DYNC1I2: variants seen among roughly 807,000 people sequenced by gnomAD.
DYNC1I2 encodes the protein dynein cytoplasmic 1 intermediate chain 2, also known as cytoplasmic dynein 1 intermediate chain 2.
Under a neutral mutation model 88.6 loss-of-function variants are expected in DYNC1I2, and 53 were observed. The ratio of observed to expected loss-of-function variants is 0.60; its 90% CI spans 0.48 to 0.75. DYNC1I2 has a LOEUF of 0.75. Ranked by LOEUF, DYNC1I2 falls within the 30% of genes least tolerant of loss-of-function variation. The pLI is 0.00. For synonymous variants in DYNC1I2, 198 were observed against 254.6 expected (o/e 0.78, Z 2.12); for missense variants, 458 against 766.6 (o/e 0.60, Z 4.75).
chr2:171,741,725 C>G (rs560635560), intron 15 of DYNC1I2, among the ~76,000 whole-genome samples: 82 of 152,244 alleles, frequency 5.4e-4, no homozygotes, highest in African/African-American at 1.9e-3. Context: ...TTTGGCTTCT[C>G]AACTGAGAAA....
chr2:171,740,052 G>T (rs1689312148), intron 15 of DYNC1I2, among the ~76,000 whole-genome samples: 1 of 152,064 alleles, frequency 6.6e-6, no homozygotes, highest in Non-Finnish European at 1.5e-5. Context: ...AGTAGGGCTT[G>T]CATCCCTCTT....
chr2:171,700,635 GT>G (rs573663487), intron 3 of DYNC1I2, among the ~76,000 whole-genome samples: 129 of 144,630 alleles, frequency 8.9e-4, no homozygotes, highest in Middle Eastern at 3.4e-3. Flanking sequence ...TTTGTTTTTT[GT>G]TTTTTGTTTT....
At chr2:171,699,123 A>G (rs1427893437) in intron 3 of DYNC1I2, among the ~76,000 whole-genome samples, 1 of 152,176 alleles carries the variant, frequency 6.6e-6, no homozygotes, top group African/African-American at 2.4e-5. Context: ...CCTGGCCAAA[A>G]TGGTGAAACC....
chr2:171,688,164 A>G (rs1025633521), intron 1 of DYNC1I2: 2 of 152,214 alleles, frequency 1.3e-5, no homozygotes, highest in Non-Finnish European at 2.9e-5. Flanking sequence ...CCCAGGGGAG[A>G]AAGTGATTCG....
chr2:171,734,970 TC>T (rs1688905696), intron 15 of DYNC1I2, among the ~76,000 whole-genome samples: 1 of 152,168 alleles, frequency 6.6e-6, no homozygotes, highest in African/African-American at 2.4e-5. Context: ...TAAACCAGAG[TC>T]TTCACACTCA....
At chr2:171,713,039 A>G (rs1223022425) in intron 6 of DYNC1I2, among the ~76,000 whole-genome samples, 1 of 152,140 alleles carries the variant, frequency 6.6e-6, no homozygotes, top group Non-Finnish European at 1.5e-5. Flanking sequence ...AAGTGTCCAA[A>G]TGTTTAAAAT....
chr2:171,714,223 A>G lies in DYNC1I2; in HGVS notation c.396-1105A>G, dbSNP rs1020810244. The stretch of plus-strand genomic sequence containing the variant: ...TCCCTTTCTTTTTTATTTCTAAACT[A>G]GAAAAGACATTAAAAAATTGTTATG... On this transcript the variant is annotated intron_variant, in intron 6 of 17. Transcript: ENST00000397119. Among the ~76,000 whole-genome samples the G allele has an allele frequency of 2.0e-5, 3 of 149,896 alleles. No homozygotes were observed. The East Asian group carries it at 5.8e-4, about 29-fold the overall frequency.
chr2:171,726,529 G>A, intron 10 of DYNC1I2: 5 of 542,848 alleles, frequency 9.2e-6, no homozygotes, highest in Non-Finnish European at 1.5e-5. Flanking sequence ...ACTAATTTCA[G>A]TTGCTCACCA....
chr2:171,749,445 A>AT lies in DYNC1I2; in HGVS notation c.*1558dup, dbSNP rs1403260199. Among the ~76,000 whole-genome samples, 2 of 152,088 alleles carry AT rather than the reference A, an allele frequency of 1.3e-5. No individual in the cohort carries two copies. The highest frequency in any genetic ancestry group is 2.9e-5 in the Non-Finnish European group (2 of 67,966). ...CAAAGACAATATCTCAAGTTATCTCATTGTAGCAGTGTCTGTGAGTCAAAA... is the reference window on the plus strand; with the variant it reads ...CAAAGACAATATCTCAAGTTATCTCATTTGTAGCAGTGTCTGTGAGTCAAAA... On this transcript the variant is annotated 3_prime_UTR_variant, in exon 18 of 18. Coordinates refer to ENST00000397119, the MANE Select transcript of DYNC1I2 (RefSeq NM_001378.3).
chr2:171,737,411 A>G (rs927795643), intron 15 of DYNC1I2, among the ~76,000 whole-genome samples: 5 of 152,130 alleles, frequency 3.3e-5, no homozygotes, highest in Non-Finnish European at 7.4e-5. Context: ...GTACAACCTT[A>G]AAGAGCTTAG....
Position 171,725,603 on chromosome 2 carries a change from T to TG in DYNC1I2, c.512-15_512-14insG. On this transcript the variant is annotated splice_polypyrimidine_tract_variant and intron_variant, in intron 7 of 17. Coordinates refer to ENST00000397119, the MANE Select transcript of DYNC1I2 (RefSeq NM_001378.3). ...GTTTTTTTGTTTTTTTGTTTGTTTTTTTTTTTTTTTTCAGATGAAGAGGAA... is the reference window on the plus strand; with the variant it reads ...GTTTTTTTGTTTTTTTGTTTGTTTTTGTTTTTTTTTTTCAGATGAAGAGGAA... The TG allele has an allele frequency of 7.3e-7, 1 of 1,379,028 alleles. No homozygotes were observed. Among genetic ancestry groups the TG allele is most frequent in the Non-Finnish European group, 9.6e-7 (1 of 1,040,794 alleles). 85.4% of individuals were successfully genotyped at this position (1,379,028 alleles called of 1,614,324 possible). A position where few individuals can be genotyped will look rare whatever the true frequency, so the allele number is the denominator to read the frequency against.
intron 7 of DYNC1I2, 90 bp from the exon 8 acceptor site, chr2:171,725,528 T>C (rs531879234): frequency 2.4e-6 from 2 of 822,864 alleles, no homozygotes; most frequent in East Asian, 2.9e-5. Flanking sequence ...TGAAATACTG[T>C]CTCAAAAGTT....
At chr2:171,729,318 T>C (rs959505296) in intron 14 of DYNC1I2, among the ~76,000 whole-genome samples, 1 of 152,150 alleles carries the variant, frequency 6.6e-6, no homozygotes, top group Non-Finnish European at 1.5e-5. Context: ...AGCTGTACCT[T>C]ATTGCTTCCT....
At chr2:171,740,195 TTA>T (rs1467417694) in intron 15 of DYNC1I2, among the ~76,000 whole-genome samples, 1 of 152,130 alleles carries the variant, frequency 6.6e-6, no homozygotes, top group Non-Finnish European at 1.5e-5. Flanking sequence ...TGCAGATAGT[TTA>T]TGTTTCTGTA....
intron 1 of DYNC1I2, chr2:171,688,448 G>T (rs970057680): frequency 6.6e-6 from 1 of 152,178 alleles, no homozygotes; most frequent in African/African-American, 2.4e-5. Context: ...ATATCAATTA[G>T]TGTTGGTATA....
intron 3 of DYNC1I2, among the ~76,000 whole-genome samples, chr2:171,693,235 T>A (rs527604726): frequency 1.3e-5 from 2 of 152,340 alleles, no homozygotes; most frequent in East Asian, 3.9e-4. Context: ...GAACTCTATA[T>A]TCCTTTCTGG....
At chr2:171,734,013 A>G (rs1403839547) in intron 15 of DYNC1I2, among the ~76,000 whole-genome samples, 2 of 152,100 alleles carry the variant, frequency 1.3e-5, no homozygotes, top group African/African-American at 4.8e-5. Flanking sequence ...TTTTCTACAT[A>G]TGGCTAGCCA....
chr2:171,734,979 T>TTTAA (rs1417619200), intron 15 of DYNC1I2, among the ~76,000 whole-genome samples: 1 of 152,224 alleles, frequency 6.6e-6, no homozygotes, highest in African/African-American at 2.4e-5. Context: ...GTCTTCACAC[T>TTTAA]CATGAATTTA....
intron 15 of DYNC1I2, among the ~76,000 whole-genome samples, chr2:171,743,821 G>A (rs1355771482): frequency 2.6e-5 from 4 of 152,038 alleles, no homozygotes; most frequent in Non-Finnish European, 5.9e-5. Context: ...TAAACAGTAT[G>A]GCATCTACAA....
Sources: allele counts gnomAD v4.1 joint callset (sites outside exome capture counted in the v4.1 genomes callset), GRCh38; gene constraint gnomAD v4.1.1; transcripts MANE v1.5; gene names NCBI Gene and HGNC (gene_info 2026-07-23, HGNC 2026-07-21).